The following CDH1 variants were observed in gnomAD, a reference collection of about 807,000 sequenced individuals.
CDH1 encodes cadherin 1.
Under a neutral mutation model 84.5 loss-of-function variants are expected in CDH1, and 35 were observed. The observed-to-expected ratio is 0.41, with a 90% CI of 0.32 to 0.55. The LOEUF is 0.55. Ranked by LOEUF, CDH1 falls within the 20% of genes least tolerant of loss-of-function variation. The pLI is 0.19. For synonymous variants in CDH1, 417 were observed against 439.0 expected (o/e 0.95, Z 0.63); for missense variants, 994 against 1,126.6 (o/e 0.88, Z 1.68).
chr16:68,800,684 C>T (rs976379928), intron 2 of CDH1, among the ~76,000 whole-genome samples: 3 of 152,194 alleles, frequency 2.0e-5, no homozygotes, highest in Non-Finnish European at 2.9e-5. Context: ...CTCCCCTCTG[C>T]CTGGAAGCTT....
intron 2 of CDH1, among the ~76,000 whole-genome samples, chr16:68,779,332 G>C (rs990004003): frequency 1.3e-5 from 2 of 152,208 alleles, no homozygotes; most frequent in African/African-American, 2.4e-5. Context: ...ACATCCTCCA[G>C]GGAGGCAGGG....
In CDH1 at chr16:68,801,761, C is replaced by A. The variant is rs755461028; in HGVS notation, c.255C>A (p.Val85=). Reference sequence around the variant, plus strand: ...TGGGCACAGATGGTGTGATTACAGTCAAAAGGCCTCTACGGTTTCATAACC... The same window carrying A: ...TGGGCACAGATGGTGTGATTACAGTAAAAAGGCCTCTACGGTTTCATAACC... ...FKVGTDGVIT[V]KRPLRFHNPQ... The change falls in exon 3 of 16, where the codon GTC becomes GTA. Residue 85 remains valine (V), a synonymous_variant. Coordinates refer to ENST00000261769, the MANE Select transcript of CDH1 (RefSeq NM_004360.5). 6 of 1,614,138 alleles carry A rather than the reference C, an allele frequency of 3.7e-6. No individual in the cohort carries two copies. The highest frequency in any genetic ancestry group is 5.1e-6 in the Non-Finnish European group (6 of 1,179,990).
At position 68,808,826 on chromosome 16, in the gene CDH1, G is replaced by A. The variant is rs1555515287; in HGVS notation, c.665G>A (p.Arg222Lys). The part of the protein sequence containing the change: ...GWLKVTEPLD[R>K]ERIATYTLFS... ...CTGAAGGTGACAGAGCCTCTGGATA[G>A]AGAACGCATTGCCACATACACTGTA... Residue 222 changes from arginine (R) to lysine (K), a missense_variant, in exon 5 of 16, where the codon AGA (arginine) becomes AAA (lysine). By Grantham distance (26) the Arg-to-Lys change is conservative. This residue lies in a region of CDH1 where 769 missense variants were observed against 881.8 expected (regional missense o/e 0.87). Transcript: ENST00000261769. 1.9e-6 allele frequency: 3 copies of A among 1,613,922 alleles called. No individual in the cohort carries two copies. The highest frequency in any genetic ancestry group is 2.5e-6 in the Non-Finnish European group (3 of 1,179,986).
At chr16:68,769,714 G>A (rs1029120919) in intron 2 of CDH1, among the ~76,000 whole-genome samples, 12 of 151,776 alleles carry the variant, frequency 7.9e-5, no homozygotes, top group Non-Finnish European at 1.5e-4. Flanking sequence ...TATCGCCGGA[G>A]TCCAGGAGTT....
chr16:68,823,209 G>T, intron 12 of CDH1, 190 bp from the exon 13 acceptor site: 1 of 574,476 alleles, frequency 1.7e-6, no homozygotes, highest in South Asian at 2.0e-5. Flanking sequence ...CCAAGCCTTA[G>T]ACCAAATGGA....
chr16:68,823,968 C>A (rs1000299931), intron 13 of CDH1, among the ~76,000 whole-genome samples: 9 of 147,884 alleles, frequency 6.1e-5, no homozygotes, highest in African/African-American at 2.0e-4. Context: ...GGAGGTCTGG[C>A]ATAGGGCCAC....
At chr16:68,746,090 C>T (rs1295370649) in intron 2 of CDH1, among the ~76,000 whole-genome samples, 2 of 152,166 alleles carry the variant, frequency 1.3e-5, no homozygotes, top group African/African-American at 4.8e-5. Context: ...GTGCTGGGAT[C>T]GCACGCGTGA....
At chr16:68,789,455 C>T (rs1960152883) in intron 2 of CDH1, among the ~76,000 whole-genome samples, 1 of 151,412 alleles carries the variant, frequency 6.6e-6, no homozygotes, top group Non-Finnish European at 1.5e-5. Context: ...GGACACATAT[C>T]AGGTGTTAGC....
intron 2 of CDH1, among the ~76,000 whole-genome samples, chr16:68,796,061 G>A (rs1339906890): frequency 6.6e-6 from 1 of 151,982 alleles, no homozygotes; most frequent in Non-Finnish European, 1.5e-5. Context: ...TACTCGGGAG[G>A]CTGGGGCAGG....
intron 3 of CDH1, among the ~76,000 whole-genome samples, chr16:68,805,132 C>A (rs1403330382): frequency 6.6e-6 from 1 of 150,472 alleles, no homozygotes; most frequent in Non-Finnish European, 1.5e-5. Flanking sequence ...CTCAGTCTGG[C>A]ATCCTTCCTT....
intron 2 of CDH1, among the ~76,000 whole-genome samples, chr16:68,750,005 G>A (rs147146760): frequency 6.6e-6 from 1 of 150,746 alleles, no homozygotes; most frequent in East Asian, 1.9e-4. Context: ...GTCTTGCTCT[G>A]CTGCCCAGGC....
intron 2 of CDH1, among the ~76,000 whole-genome samples, chr16:68,799,537 C>T (rs959655244): frequency 1.2e-4 from 18 of 152,018 alleles, no homozygotes; most frequent in Non-Finnish European, 2.2e-4. Context: ...TCAATCTTTC[C>T]TATAATTTCC....
intron 2 of CDH1, among the ~76,000 whole-genome samples, chr16:68,800,075 T>C (rs1255461842): frequency 6.6e-6 from 1 of 150,898 alleles, no homozygotes; most frequent in Non-Finnish European, 1.5e-5. Flanking sequence ...CACACTGGCT[T>C]ATGCCTGTCA....
At chr16:68,740,232 C>T (rs1028355634) in intron 2 of CDH1, among the ~76,000 whole-genome samples, 10 of 152,282 alleles carry the variant, frequency 6.6e-5, no homozygotes, top group African/African-American at 2.4e-4. Flanking sequence ...TGTCATTCTT[C>T]CAGTCTTTGA....
intron 2 of CDH1, among the ~76,000 whole-genome samples, chr16:68,782,937 A>G (rs1296743513): frequency 6.6e-6 from 1 of 152,168 alleles, no homozygotes; most frequent in East Asian, 1.9e-4. Flanking sequence ...TACTTATCAA[A>G]CCACAAATAG....
In CDH1 at chr16:68,831,258, TA is replaced by T. The variant is rs1461414601; in HGVS notation, c.2439+1463del. On this transcript the variant is annotated intron_variant, in intron 15 of 15. Coordinates refer to ENST00000261769, the MANE Select transcript of CDH1 (RefSeq NM_004360.5). ...CAAGCCTGGCTTTTTTTTTTTTTTT[TA>T]ATTTTATTTTTAGTAGAGACAGGGT... Among the ~76,000 whole-genome samples, 4 of 147,792 alleles carry T rather than the reference TA, an allele frequency of 2.7e-5. No homozygotes were observed. In the East Asian group the frequency reaches 5.9e-4, roughly 22 times the overall value.
At chr16:68,820,539 A>G (rs960234532) in intron 11 of CDH1, among the ~76,000 whole-genome samples, 2 of 151,882 alleles carry the variant, frequency 1.3e-5, no homozygotes, top group East Asian at 3.9e-4. Flanking sequence ...TTTAGTAGAA[A>G]CGGGGTTTCA....
chr16:68,760,405 C>A (rs909878536), intron 2 of CDH1, among the ~76,000 whole-genome samples: 11 of 151,774 alleles, frequency 7.2e-5, no homozygotes, highest in African/African-American at 2.7e-4. Context: ...TGAGCCACCA[C>A]GCCCAGCCCT....
intron 2 of CDH1, among the ~76,000 whole-genome samples, chr16:68,745,550 A>ATATATATATATATATG (rs747315843): frequency 0.031 from 1,544 of 50,424 alleles, 56 homozygotes; most frequent in East Asian, 0.05. Context: ...AAAAAAAAAA[A>ATATATATATATATATG]TATATATATA....
Sources: gnomAD v4.1 joint callset for allele counts (sites outside exome capture counted in the v4.1 genomes callset) on GRCh38, gnomAD v4.1.1 for gene constraint, gnomAD v4.1.1 regional missense constraint, MANE v1.5 for transcripts, NCBI Gene and HGNC (gene_info 2026-07-23, HGNC 2026-07-21) for gene names.